Variants in SLC35D4 observed in about 807,000 individuals in gnomAD.
The protein encoded by SLC35D4 is solute carrier family 35 member D4.
At chr18:23,421,570 T>C in the SLC35D4 span, 2 of 740,332 alleles carry the variant, frequency 2.7e-6, no homozygotes, top group Non-Finnish European at 4.6e-6. Flanking sequence ...TCTTTTCTCC[T>C]ACTCTCTCCC....
the SLC35D4 span, among the ~76,000 whole-genome samples, chr18:23,405,436 T>C: frequency 6.6e-6 from 1 of 152,308 alleles, no homozygotes; most frequent in Non-Finnish European, 1.5e-5. Flanking sequence ...GTGATCCACC[T>C]GCCTTGGCCT....
chr18:23,245,753 G>A, the SLC35D4 span, among the ~76,000 whole-genome samples: 11 of 152,164 alleles, frequency 7.2e-5, no homozygotes, highest in Admixed American at 3.9e-4. Flanking sequence ...TTCCCTGTAC[G>A]CAGCTGTGCA....
At chr18:23,378,682 T>C in the SLC35D4 span, among the ~76,000 whole-genome samples, 20 of 152,214 alleles carry the variant, frequency 1.3e-4, no homozygotes, top group Non-Finnish European at 2.1e-4. Flanking sequence ...TTTTCTTCTA[T>C]ATTTGATAGA....
chr18:23,359,639 C>T, the SLC35D4 span, among the ~76,000 whole-genome samples: 1 of 152,110 alleles, frequency 6.6e-6, no homozygotes, highest in Admixed American at 6.5e-5. Context: ...TGTTCTCGCC[C>T]TCAAAACTGG....
chr18:23,258,424 TAAGCTGACTAAGGA>T, the SLC35D4 span: 2 of 152,274 alleles, frequency 1.3e-5, no homozygotes, highest in African/African-American at 2.4e-5. Context: ...GAGCTGTGGT[TAAGCTGACTAAGGA>T]GGCGGTGGCT....
the SLC35D4 span, among the ~76,000 whole-genome samples, chr18:23,385,547 A>AG: frequency 1.3e-5 from 2 of 152,208 alleles, no homozygotes; most frequent in Non-Finnish European, 2.9e-5. Context: ...GCCCAGGCAG[A>AG]GGGGCACACC....
At chr18:23,372,880 C>A in the SLC35D4 span, among the ~76,000 whole-genome samples, 1 of 148,170 alleles carries the variant, frequency 6.7e-6, no homozygotes, top group Non-Finnish European at 1.5e-5. Flanking sequence ...TGGTGGGGAC[C>A]TAATAATGCT....
At chr18:23,372,143 A>G in the SLC35D4 span, among the ~76,000 whole-genome samples, 2 of 149,152 alleles carry the variant, frequency 1.3e-5, no homozygotes, top group African/African-American at 5.0e-5. Flanking sequence ...CACCGTTTTT[A>G]GCCAGGATGG....
At chr18:23,251,399 C>T in the SLC35D4 span, among the ~76,000 whole-genome samples, 32 of 152,100 alleles carry the variant, frequency 2.1e-4, no homozygotes, top group African/African-American at 7.0e-4. Context: ...TGCAGTGAGC[C>T]GAGATTGCGC....
chr18:23,421,351 C>T, the SLC35D4 span: 23 of 1,609,640 alleles, frequency 1.4e-5, no homozygotes, highest in Middle Eastern at 1.2e-3. Flanking sequence ...ATGAGTCCAG[C>T]ATAGAGAGGT....
chr18:23,382,919 G>A, the SLC35D4 span, among the ~76,000 whole-genome samples: 1 of 152,220 alleles, frequency 6.6e-6, no homozygotes, highest in African/African-American at 2.4e-5. Context: ...GAGAAGATGA[G>A]GACTGAACTA....
At chr18:23,267,984 G>A in the SLC35D4 span, among the ~76,000 whole-genome samples, 2 of 152,234 alleles carry the variant, frequency 1.3e-5, no homozygotes, top group Non-Finnish European at 2.9e-5. Flanking sequence ...GGGTCATTTA[G>A]GTCCTGGGGG....
chr18:23,268,234 A>G, the SLC35D4 span, among the ~76,000 whole-genome samples: 1 of 152,208 alleles, frequency 6.6e-6, no homozygotes, highest in Non-Finnish European at 1.5e-5. Flanking sequence ...AACATTCCCA[A>G]ATTGAAACAG....
At chr18:23,246,550 C>CG in the SLC35D4 span, among the ~76,000 whole-genome samples, 1 of 151,926 alleles carries the variant, frequency 6.6e-6, no homozygotes, top group Non-Finnish European at 1.5e-5. Flanking sequence ...CGCCACCACA[C>CG]CCGGCTAATT....
chr18:23,310,268 C>T, the SLC35D4 span: 1 of 985,168 alleles, frequency 1.0e-6, no homozygotes, highest in Admixed American at 6.2e-5. Flanking sequence ...AAACCAGGTG[C>T]ATCCTGGGGA....
At chr18:23,400,618 C>T in the SLC35D4 span, among the ~76,000 whole-genome samples, 1 of 152,048 alleles carries the variant, frequency 6.6e-6, no homozygotes, top group Non-Finnish European at 1.5e-5. Flanking sequence ...CAGAGCAAGA[C>T]CTTGTCTCAA....
chr18:23,385,131 T>C, the SLC35D4 span: 1 of 1,498,080 alleles, frequency 6.7e-7, no homozygotes, highest in South Asian at 1.2e-5. Flanking sequence ...ATATGGTTCT[T>C]GATTTTTTGC....
At chr18:23,375,740 A>G in the SLC35D4 span, among the ~76,000 whole-genome samples, 1 of 152,208 alleles carries the variant, frequency 6.6e-6, no homozygotes, top group East Asian at 1.9e-4. Context: ...GTTTACTTTG[A>G]TATGTCTTTA....
the SLC35D4 span, among the ~76,000 whole-genome samples, chr18:23,380,855 G>A: frequency 6.6e-6 from 1 of 152,130 alleles, no homozygotes. Context: ...TGTGGATGGT[G>A]AAAATGAACT....
Sources: gnomAD v4.1 joint callset for allele counts (sites outside exome capture counted in the v4.1 genomes callset) on GRCh38, gnomAD v4.1.1 for gene constraint, MANE v1.5 for transcripts, NCBI Gene and HGNC (gene_info 2026-07-23, HGNC 2026-07-21) for gene names.